ACAP2: variants seen among roughly 807,000 people sequenced by gnomAD.
ACAP2 encodes the protein ArfGAP with coiled-coil, ankyrin repeat and PH domains 2, also known as arf-GAP with coiled-coil, ANK repeat and PH domain-containing protein 2.
A neutral mutation model predicts 115.8 loss-of-function variants in ACAP2; 39 were observed. That is an observed-to-expected ratio of 0.34 (90% CI 0.26 to 0.44). ACAP2 has a LOEUF of 0.44. ACAP2 is among the 20% of genes least tolerant of loss of function. The probability of loss-of-function intolerance (pLI) is 1.00; values close to 1 mark genes in which losing one functional copy is unlikely to be tolerated. For synonymous variants in ACAP2, 289 were observed against 315.8 expected (o/e 0.92, Z 0.90); for missense variants, 662 against 927.6 (o/e 0.71, Z 3.72).
At chr3:195,416,987 C>T (rs911070777) in intron 1 of ACAP2, among the ~76,000 whole-genome samples, 2 of 151,648 alleles carry the variant, frequency 1.3e-5, no homozygotes, top group South Asian at 2.1e-4. Context: ...ACAATAATGA[C>T]TCACTGCAGC....
intron 4 of ACAP2, among the ~76,000 whole-genome samples, chr3:195,376,937 A>C (rs958316338): frequency 1.3e-5 from 2 of 152,098 alleles, no homozygotes; most frequent in Non-Finnish European, 2.9e-5. Context: ...CATCCTTTAT[A>C]TTGGGATGCT....
At chr3:195,309,541 G>A (rs1221266696) in intron 10 of ACAP2, among the ~76,000 whole-genome samples, 5 of 144,998 alleles carry the variant, frequency 3.4e-5, no homozygotes, top group African/African-American at 7.6e-5. Context: ...GCAAGACTCC[G>A]TCTCAAAAAA....
chr3:195,364,966 T>A (rs547480214), intron 4 of ACAP2, among the ~76,000 whole-genome samples: 1 of 152,318 alleles, frequency 6.6e-6, no homozygotes, highest in Non-Finnish European at 1.5e-5. Context: ...TGAGATCCTG[T>A]CATCTGCAAC....
chr3:195,424,283 A>ATTTTTTT (rs1162275706), intron 1 of ACAP2, among the ~76,000 whole-genome samples: 2 of 54,130 alleles, frequency 3.7e-5, no homozygotes, highest in Non-Finnish European at 6.2e-5. Flanking sequence ...ATATATATAT[A>ATTTTTTT]TTTTTTTTTT....
At position 195,279,261 on chromosome 3, in the gene ACAP2, T is replaced by C. The variant is rs188024325; in HGVS notation, c.*67A>G. On this transcript the variant is annotated 3_prime_UTR_variant, in exon 23 of 23. Coordinates refer to ENST00000326793, the MANE Select transcript of ACAP2 (RefSeq NM_012287.6). ...AAGTAGAATTAAAGCAGTAAAAAAA[T>C]TGTGATTTTTTAGCTGTATACATTA... 9.5e-4 allele frequency: 968 copies of C among 1,023,512 alleles called. 4 individuals carry two copies. The highest frequency in any genetic ancestry group is 1.2e-3 in the Non-Finnish European group (860 of 688,836). 63.4% of individuals were successfully genotyped at this position (1,023,512 alleles called of 1,614,324 possible).
intron 17 of ACAP2, 43 bp downstream of exon 17, chr3:195,295,665 C>T (rs140758729): frequency 1.9e-6 from 3 of 1,604,560 alleles, no homozygotes; most frequent in Admixed American, 1.7e-5. Flanking sequence ...GTGATTTGAG[C>T]TTAAGAAAAT....
intron 1 of ACAP2, among the ~76,000 whole-genome samples, chr3:195,434,399 A>G (rs777024574): frequency 6.6e-6 from 1 of 151,290 alleles, no homozygotes; most frequent in Admixed American, 6.6e-5. Flanking sequence ...CACTTAGCTA[A>G]TTTTTTTTGT....
intron 4 of ACAP2, among the ~76,000 whole-genome samples, chr3:195,348,633 C>T (rs1339675777): frequency 1.3e-5 from 2 of 151,942 alleles, no homozygotes; most frequent in East Asian, 1.9e-4. Context: ...ACATCATGAC[C>T]GACTGGGATA....
intron 1 of ACAP2, among the ~76,000 whole-genome samples, chr3:195,412,398 G>A (rs1713349826): frequency 6.7e-6 from 1 of 150,276 alleles, no homozygotes; most frequent in African/African-American, 2.4e-5. Flanking sequence ...TGGCCAACAT[G>A]GTGAAACCCC....
At chr3:195,382,788 C>T (rs575325452) in intron 2 of ACAP2, among the ~76,000 whole-genome samples, 1 of 151,896 alleles carries the variant, frequency 6.6e-6, no homozygotes, top group Non-Finnish European at 1.5e-5. Context: ...AAAACATCAC[C>T]TCTGCTCTCA....
Position 195,294,811 on chromosome 3 carries a change from A to C in ACAP2, c.1673T>G (p.Val558Gly). ...CTGAATTCCACTGTCATTACTTCTG[A>C]CTGTTTTAAAGAAAAATTAACTAAT... is the stretch of plus-strand genomic sequence containing the variant. ...DQVRASAQSS[V>G]RSNDSGIQQS... The change falls in exon 18 of 23, where the codon GTC (valine) becomes GGC (glycine). Residue 558 changes from valine (V) to glycine (G), a missense_variant and splice_region_variant. Physicochemically the swap from Val to Gly is moderately radical, Grantham distance 109. This residue lies in a region of ACAP2 where 133 missense variants were observed against 123.1 expected (regional missense o/e 1.08). Coordinates refer to ENST00000326793, the MANE Select transcript of ACAP2 (RefSeq NM_012287.6). 6.3e-7 allele frequency: 1 copy of C among 1,581,126 alleles called. No individual in the cohort carries two copies. Among genetic ancestry groups the C allele is most frequent in the Non-Finnish European group, 8.7e-7 (1 of 1,154,930 alleles).
Position 195,406,047 on chromosome 3 carries a change from G to C in ACAP2, c.54-13900C>G, listed in dbSNP as rs539346758. Among the ~76,000 whole-genome samples, 15 of 152,184 alleles carry C rather than the reference G, an allele frequency of 9.9e-5. No homozygotes were observed. In the South Asian group the frequency reaches 3.1e-3, roughly 32 times the overall value. On this transcript the variant is annotated intron_variant, in intron 1 of 22. Coordinates refer to ENST00000326793, the MANE Select transcript of ACAP2 (RefSeq NM_012287.6). ...TACAATTTAACATGAGATTTGGGCG[G>C]GGACACAGAACCAAACCATATCAGG... is the stretch of plus-strand genomic sequence containing the variant.
intron 4 of ACAP2, chr3:195,357,770 C>A (rs552350817): frequency 6.6e-6 from 1 of 152,464 alleles, no homozygotes; most frequent in African/African-American, 2.4e-5. Context: ...AAAGAACTGC[C>A]TGAGACTGGG....
intron 2 of ACAP2, among the ~76,000 whole-genome samples, chr3:195,385,573 G>T (rs1364003997): frequency 6.6e-6 from 1 of 151,812 alleles, no homozygotes. Flanking sequence ...TAAACTTCTA[G>T]ATTAGCAGCA....
chr3:195,396,738 G>A (rs1711807201), intron 1 of ACAP2, among the ~76,000 whole-genome samples: 1 of 122,462 alleles, frequency 8.2e-6, no homozygotes, highest in African/African-American at 3.1e-5. Flanking sequence ...AGTGAGCCAA[G>A]ATTGCATCAC....
rs756613433 is a variant in ACAP2, at chr3:195,308,854, T to C, written c.858-17A>G. 44 of 1,591,726 alleles carry C rather than the reference T, an allele frequency of 2.8e-5. No homozygotes were observed. The highest frequency in any genetic ancestry group is 3.2e-5 in the Non-Finnish European group (38 of 1,171,294). ...AACCAGCGCCTACAGAAACACAAAA[T>C]AGATTAAGTTTTCATAAACATAATT... On this transcript the variant is annotated splice_polypyrimidine_tract_variant and intron_variant, in intron 10 of 22. Transcript: ENST00000326793.
rs1405617490 is a variant in ACAP2, at chr3:195,276,655, C to T, written c.*2673G>A. 6.6e-6 allele frequency: 1 copy of T among 152,152 alleles called. No homozygotes were observed. The highest frequency in any genetic ancestry group is 2.4e-5 in the African/African-American group (1 of 41,456). The allele number at this position is 152,152 out of a possible 1,614,324, so 9.4% of individuals were successfully genotyped here. ...CACATTGACTAATGAAGCCCAAAAG[C>T]ATGATTAACTAAGATTTCTTATAAT... On this transcript the variant is annotated 3_prime_UTR_variant, in exon 23 of 23. Transcript: ENST00000326793.
chr3:195,314,405 T>A (rs1728959316), intron 10 of ACAP2, among the ~76,000 whole-genome samples: 1 of 152,044 alleles, frequency 6.6e-6, no homozygotes, highest in Admixed American at 6.6e-5. Context: ...GGAGCTGGGA[T>A]TACAGATGCG....
intron 1 of ACAP2, 57 bp downstream of exon 1, chr3:195,442,738 C>T: frequency 6.6e-7 from 1 of 1,509,684 alleles, no homozygotes; most frequent in Non-Finnish European, 8.9e-7. Context: ...CCGGCTTTCA[C>T]GCCCCCAGCG....
Sources: gnomAD v4.1 joint callset for allele counts (sites outside exome capture counted in the v4.1 genomes callset) on GRCh38, gnomAD v4.1.1 for gene constraint, gnomAD v4.1.1 regional missense constraint, MANE v1.5 for transcripts, NCBI Gene and HGNC (gene_info 2026-07-23, HGNC 2026-07-21) for gene names.